The following PPP6R2 variants were observed in gnomAD, a reference collection of about 807,000 sequenced individuals.
PPP6R2 encodes protein phosphatase 6 regulatory subunit 2, also known as serine/threonine-protein phosphatase 6 regulatory subunit 2.
In PPP6R2, 62 loss-of-function variants were observed where a neutral mutation model predicts 100.2. The ratio of observed to expected loss-of-function variants is 0.62; its 90% CI spans 0.50 to 0.76. The LOEUF (loss-of-function observed/expected upper bound fraction) is 0.76, where lower values mean the gene tolerates loss of function less well. PPP6R2 is among the 30% of genes least tolerant of loss of function. PPP6R2 has a pLI of 0.00. For missense variants in PPP6R2, 1,142 were observed against 1,276.3 expected, an observed-to-expected ratio of 0.89 and a Z score of 1.60; for synonymous variants, 525 against 514.7, an observed-to-expected ratio of 1.02 and a Z score of -0.27.
At chr22:50,340,050 G>T (rs956652883), upstream of PPP6R2, among the ~76,000 whole-genome samples, 2 of 139,356 alleles carry the variant, frequency 1.4e-5, no homozygotes, top group Non-Finnish European at 3.2e-5. Flanking sequence ...TGTGTTTAGG[G>T]TGTGGTGTGT....
intron 2 of PPP6R2, among the ~76,000 whole-genome samples, chr22:50,376,155 T>A (rs1224559869): frequency 6.6e-6 from 1 of 151,998 alleles, no homozygotes; most frequent in East Asian, 1.9e-4. Context: ...TAAGCCACTC[T>A]GAGTTAAAAC....
At chr22:50,387,035 G>A (rs756212248) in intron 2 of PPP6R2, among the ~76,000 whole-genome samples, 2 of 152,044 alleles carry the variant, frequency 1.3e-5, no homozygotes, top group South Asian at 2.1e-4. Context: ...CAGCCTTTGC[G>A]AACTTTATGT....
intron 4 of PPP6R2, among the ~76,000 whole-genome samples, chr22:50,413,655 C>T (rs1051574077): frequency 1.4e-5 from 2 of 146,136 alleles, no homozygotes; most frequent in African/African-American, 5.1e-5. Flanking sequence ...AGCCATCCTC[C>T]TCTCCTCCTC....
chr22:50,370,511 A>T (rs1193769664), intron 1 of PPP6R2, among the ~76,000 whole-genome samples: 26 of 151,648 alleles, frequency 1.7e-4, no homozygotes, highest in African/African-American at 2.9e-4. Flanking sequence ...CTGGTCTCGA[A>T]TGCCTGACCT....
chr22:50,338,801 C>T (rs551374014), upstream of PPP6R2, among the ~76,000 whole-genome samples: 139 of 49,266 alleles, frequency 2.8e-3, 1 homozygote, highest in African/African-American at 0.015. Context: ...TGTGTATGTA[C>T]GGTGTCTGGT....
chr22:50,444,031 G>T lies in PPP6R2; in HGVS notation c.2745G>T (p.Leu915=). 6.2e-7 allele frequency: 1 copy of T among 1,613,352 alleles called. No individual in the cohort carries two copies. The highest frequency in any genetic ancestry group is 1.1e-5 in the South Asian group (1 of 91,082). ...AIPTPAVSSA[L]AVAVPLGPIM... is the part of the protein sequence containing the mutation. ...CCACCCCAGCAGTCTCTTCTGCACTGGCCGTGGCGGTCCCCCTAGGGCCCA... is the reference window on the plus strand; with the variant it reads ...CCACCCCAGCAGTCTCTTCTGCACTTGCCGTGGCGGTCCCCCTAGGGCCCA... The change falls in exon 23 of 24, where the codon CTG becomes CTT. Residue 915 remains leucine (L), a synonymous_variant. Coordinates refer to ENST00000612753, the MANE Select transcript of PPP6R2 (RefSeq NM_001242898.2).
At chr22:50,400,848 G>T (rs540431174) in intron 3 of PPP6R2, among the ~76,000 whole-genome samples, 4 of 152,268 alleles carry the variant, frequency 2.6e-5, no homozygotes, top group African/African-American at 7.2e-5. Flanking sequence ...GTACATTTGT[G>T]ACATTAGCTG....
chr22:50,439,886 G>C (rs1473369504), intron 20 of PPP6R2, 29 bp downstream of exon 20: 1 of 1,607,676 alleles, frequency 6.2e-7, no homozygotes, highest in Non-Finnish European at 8.5e-7. Flanking sequence ...GGAGGGGGCT[G>C]TGCCAGGAAG....
chr22:50,439,878 AG>A (rs1239402344), intron 20 of PPP6R2, 21 bp downstream of exon 20: 12 of 1,609,532 alleles, frequency 7.5e-6, no homozygotes, highest in Non-Finnish European at 1.0e-5. Flanking sequence ...CGCTGGCAGG[AG>A]GGGGCTGTGC....
At chr22:50,421,080 CTCTCTT>C (rs1157430989) in intron 8 of PPP6R2, among the ~76,000 whole-genome samples, 1 of 151,962 alleles carries the variant, frequency 6.6e-6, no homozygotes, top group Non-Finnish European at 1.5e-5. Context: ...GTTGTTAGGA[CTCTCTT>C]TCTCTCTCTC....
At position 50,431,414 on chromosome 22, in the gene PPP6R2, C is replaced by A; in HGVS notation, c.1335+32C>A. 1 of 1,580,732 alleles carries A rather than the reference C, an allele frequency of 6.3e-7. No homozygotes were observed. Among genetic ancestry groups the A allele is most frequent in the Admixed American group, 1.7e-5 (1 of 58,856 alleles). On this transcript the variant is annotated intron_variant, in intron 11 of 23. Coordinates refer to ENST00000612753, the MANE Select transcript of PPP6R2 (RefSeq NM_001242898.2). The surrounding 1 kb of genome is among the most constrained non-coding windows in gnomAD (Gnocchi z 4.8). ...CCAAGAAGCATCCATCTTATCAGCG[C>A]CAACTGCGCCCCACTCAGACCGTGT...
At chr22:50,350,595 C>T (rs1227281762) in intron 1 of PPP6R2, among the ~76,000 whole-genome samples, 1 of 151,696 alleles carries the variant, frequency 6.6e-6, no homozygotes, top group African/African-American at 2.4e-5. Context: ...CCTGTAATCC[C>T]AGCACTTTGG....
chr22:50,437,765 A>T, intron 16 of PPP6R2, 78 bp from the exon 17 acceptor site: 3 of 1,498,712 alleles, frequency 2.0e-6, no homozygotes, highest in Non-Finnish European at 2.7e-6. Context: ...CCCGATGAGC[A>T]CCGGGGGAGG....
At chr22:50,355,841 GAAAA>G (rs201199718) in intron 1 of PPP6R2, among the ~76,000 whole-genome samples, 88 of 126,486 alleles carry the variant, frequency 7.0e-4, no homozygotes, top group East Asian at 2.9e-3. Context: ...CTTTAAAATG[GAAAA>G]AAAAAAACCA....
intron 16 of PPP6R2, 36 bp downstream of exon 16, chr22:50,437,639 G>A (rs370407277): frequency 1.8e-5 from 28 of 1,530,958 alleles, no homozygotes; most frequent in African/African-American, 1.5e-4. Context: ...CACGAGGCGC[G>A]GCTCTCCCTG....
Position 50,343,544 on chromosome 22 carries a change from A to G in PPP6R2, c.-154A>G. 6.6e-6 allele frequency: 1 copy of G among 151,384 alleles called. No individual in the cohort carries two copies. The highest frequency in any genetic ancestry group is 1.5e-5 in the Non-Finnish European group (1 of 67,618). 9.4% of individuals were successfully genotyped at this position (151,384 alleles called of 1,614,324 possible). On this transcript the variant is annotated 5_prime_UTR_variant, in exon 1 of 24. Transcript: ENST00000612753. The stretch of plus-strand genomic sequence containing the variant: ...AGAGCTGCCGCGACGCCCGGCCCGC[A>G]GGGCAGGTGAGTGCGGCCGCCCGCC...
chr22:50,404,089 AT>A (rs55771128), intron 3 of PPP6R2, among the ~76,000 whole-genome samples: 17,757 of 116,350 alleles, frequency 0.15, 1,249 homozygotes, highest in East Asian at 0.41. Flanking sequence ...TGCACATTCT[AT>A]TTTTTTTTTT....
intron 17 of PPP6R2, 87 bp downstream of exon 17, chr22:50,437,987 T>G (rs1269884707): frequency 6.5e-7 from 1 of 1,539,102 alleles, no homozygotes; most frequent in African/African-American, 1.4e-5. Context: ...CATGGGCCTG[T>G]GCGGTGGGGC....
At chr22:50,382,827 T>C (rs7286637) in intron 2 of PPP6R2, among the ~76,000 whole-genome samples, 56,593 of 149,634 alleles carry the variant, frequency 0.38, 10,983 homozygotes, top group South Asian at 0.63. Flanking sequence ...GGGTGAAATT[T>C]ACAAGCAAAT....
Sources: allele counts gnomAD v4.1 joint callset (sites outside exome capture counted in the v4.1 genomes callset), GRCh38; gene constraint gnomAD v4.1.1; non-coding constraint Gnocchi (gnomAD v3.1); transcripts MANE v1.5; gene names NCBI Gene and HGNC (gene_info 2026-07-23, HGNC 2026-07-21).